Variants in SPON2 observed in about 807,000 individuals in gnomAD.
SPON2 encodes spondin 2.
Under a neutral mutation model 29.9 loss-of-function variants are expected in SPON2, and 32 were observed. The observed-to-expected ratio is 1.07, with a 90% CI of 0.81 to 1.44. The LOEUF is 1.44. Ranked by LOEUF, SPON2 falls within the 40% of genes most tolerant of loss-of-function variation. The pLI is 0.00. For missense variants in SPON2, 541 were observed against 455.5 expected (o/e 1.19, Z -1.71); for synonymous variants, 248 against 209.1 (o/e 1.19, Z -1.61).
intron 1 of SPON2, among the ~76,000 whole-genome samples, chr4:1,185,411 T>C (rs1727772647): frequency 2.6e-5 from 4 of 151,552 alleles, no homozygotes; most frequent in African/African-American, 9.7e-5. Context: ...TTGGAAAACC[T>C]GGACATCCAC....
chr4:1,171,219 GCCCCGGCCCCCCGGACCCCGC>G (rs774800255), intron 3 of SPON2, 23 bp downstream of exon 3: 1 of 1,448,916 alleles, frequency 6.9e-7, no homozygotes, highest in Non-Finnish European at 9.0e-7. Flanking sequence ...AGCGCGCCTG[GCCCCGGCCCCCCGGACCCCGC>G]CCCCGGCCGG....
chr4:1,204,264 C>T (rs762143223), intron 1 of SPON2, among the ~76,000 whole-genome samples: 1 of 152,186 alleles, frequency 6.6e-6, no homozygotes, highest in Non-Finnish European at 1.5e-5. Flanking sequence ...CACTACCTTA[C>T]CCTGGAGCCG....
At chr4:1,173,522 TC>T (rs550892347), upstream of SPON2, among the ~76,000 whole-genome samples, 9 of 152,318 alleles carry the variant, frequency 5.9e-5, no homozygotes, top group East Asian at 1.5e-3. Context: ...CTGAAGTTGA[TC>T]CTGCTCCATG....
At chr4:1,195,755 G>C (rs872895), upstream of SPON2, among the ~76,000 whole-genome samples, 6,622 of 137,118 alleles carry the variant, frequency 0.048, 244 homozygotes, top group East Asian at 0.21. Context: ...CCACACCTCA[G>C]CCTCCCAAGT....
At chr4:1,172,901 CCCCTCCCCTCCT>C (rs1727509768), upstream of SPON2, 1 of 93,020 alleles carries the variant, frequency 1.1e-5, no homozygotes, top group Non-Finnish European at 2.2e-5. Flanking sequence ...CTCCCCTCCT[CCCCTCCCCTCCT>C]CCCCTCCCCT....
At position 1,170,836 on chromosome 4, in the gene SPON2, G is replaced by C. The variant is rs1202446909; in HGVS notation, c.636+163C>G. On this transcript the variant is annotated intron_variant, in intron 4 of 5. Coordinates refer to ENST00000290902, the MANE Select transcript of SPON2 (RefSeq NM_012445.4). ...CCCCGGGTTGGGAGAGTATGGGAGG[G>C]CTGCACCCCCTTGCTCACTGCTGGC... 10 of 1,089,500 alleles carry C rather than the reference G, an allele frequency of 9.2e-6. No individual in the cohort carries two copies. In the South Asian group the frequency reaches 1.1e-4, roughly 12 times the overall value. The allele number at this position is 1,089,500 out of a possible 1,614,324, so 67.5% of individuals were successfully genotyped here. A position where few individuals can be genotyped will look rare whatever the true frequency, so the allele number is the denominator to read the frequency against.
At chr4:1,190,212 C>T (rs1347867513) in intron 1 of SPON2, among the ~76,000 whole-genome samples, 1 of 151,134 alleles carries the variant, frequency 6.6e-6, no homozygotes, top group African/African-American at 2.4e-5. Flanking sequence ...AAGACACAAA[C>T]TACTGAAACT....
rs1234017118 is a variant in SPON2, at chr4:1,171,192, T to TGCGGCGACA, written c.445-11_445-3dup. The TGCGGCGACA allele has an allele frequency of 1.3e-6, 2 of 1,504,034 alleles. No homozygotes were observed. The highest frequency in any genetic ancestry group is 2.7e-5 in the East Asian group (1 of 36,774). 93.2% of individuals were successfully genotyped at this position (1,504,034 alleles called of 1,614,324 possible). On this transcript the variant is annotated splice_polypyrimidine_tract_variant and splice_region_variant and intron_variant, in intron 3 of 5. Transcript: ENST00000290902. ...CACGATGCGCACCACAAACGAGACC[T>TGCGGCGACA]GCGGCGACAGCGGCTCAGCGCGCCT...
At chr4:1,176,490 C>T (rs1050250575), upstream of SPON2, among the ~76,000 whole-genome samples, 30 of 152,174 alleles carry the variant, frequency 2.0e-4, no homozygotes, top group African/African-American at 7.0e-4. Context: ...TCACACAGTA[C>T]ATTCATGCAA....
At position 1,171,018 on chromosome 4, in the gene SPON2, G is replaced by C. The variant is rs1351525673; in HGVS notation, c.617C>G (p.Pro206Arg). 1 of 1,548,872 alleles carries C rather than the reference G, an allele frequency of 6.5e-7. No homozygotes were observed. Among genetic ancestry groups the C allele is most frequent in the Non-Finnish European group, 8.7e-7 (1 of 1,145,732 alleles). The change falls in exon 4 of 6, where the codon CCG (proline) becomes CGG (arginine). Residue 206 changes from proline to arginine, a missense_variant. By Grantham distance (103) the Pro-to-Arg change is moderately radical (BLOSUM62 -2). Transcript: ENST00000290902. The stretch of plus-strand genomic sequence containing the variant: ...ACTCACCTCGGTCACCGTGTCCTGC[G>C]GGATGGTGGCGAAGTTGGGGGAGGA... ...TFSSPNFATI[P>R]QDTVTEITSS...
exon 1 of SPON2, chr4:1,195,100 AGCCGGCGGCTCCAACCCCG>A (rs1728033572): frequency 5.6e-5 from 8 of 143,292 alleles, no homozygotes; most frequent in African/African-American, 2.1e-4. Flanking sequence ...CCAACCCCGC[AGCCGGCGGCTCCAACCCCG>A]CAGCCGGCGG....
intron 1 of SPON2, among the ~76,000 whole-genome samples, chr4:1,207,719 T>A (rs1195767682): frequency 6.6e-6 from 1 of 152,220 alleles, no homozygotes; most frequent in African/African-American, 2.4e-5. Flanking sequence ...CGCTTACAGA[T>A]GCACCTAACC....
At chr4:1,174,830 A>G (rs1309318515), upstream of SPON2, among the ~76,000 whole-genome samples, 1 of 152,148 alleles carries the variant, frequency 6.6e-6, no homozygotes, top group Non-Finnish European at 1.5e-5. Context: ...TCATCTGCTG[A>G]GATGTGCTGT....
chr4:1,194,884 A>ACCC (rs1728010299), intron 1 of SPON2: 4 of 142,112 alleles, frequency 2.8e-5, no homozygotes, highest in African/African-American at 8.0e-5. Context: ...GGCGGCTCCA[A>ACCC]CGCCACAGCC....
At position 1,167,450 on chromosome 4, in the gene SPON2, C is replaced by A; in HGVS notation, c.*22G>T. On this transcript the variant is annotated 3_prime_UTR_variant, in exon 6 of 6. Transcript: ENST00000290902. The stretch of plus-strand genomic sequence containing the variant: ...GACACCCCATGGCTCCGGGGGGCCC[C>A]AGGGGCTGCGGGGCTCTGGTCTTAG... 1 of 1,604,610 alleles carries A rather than the reference C, an allele frequency of 6.2e-7. No homozygotes were observed.
At chr4:1,199,505 T>C (rs1198122632), upstream of SPON2, 2 of 152,116 alleles carry the variant, frequency 1.3e-5, no homozygotes, top group African/African-American at 4.8e-5. The surrounding 1 kb of genome is among the most constrained non-coding windows in gnomAD (Gnocchi z 4.5). Context: ...ACCTGGAAAT[T>C]TTAAAAAAAG....
chr4:1,174,503 C>A (rs750240146), upstream of SPON2, among the ~76,000 whole-genome samples: 16,612 of 122,774 alleles, frequency 0.14, 1,481 homozygotes, highest in African/African-American at 0.26. Flanking sequence ...AAAAAAAAAA[C>A]AAAAAAACAA....
intron 1 of SPON2, among the ~76,000 whole-genome samples, chr4:1,206,684 C>A (rs570454145): frequency 2.0e-5 from 3 of 152,144 alleles, no homozygotes; most frequent in African/African-American, 4.8e-5. Context: ...GGAGGCAGGG[C>A]CTGAGGCTCA....
upstream of SPON2, among the ~76,000 whole-genome samples, chr4:1,176,841 T>TCATTCACA (rs1231896918): frequency 6.6e-6 from 1 of 151,622 alleles, no homozygotes; most frequent in African/African-American, 2.4e-5. Context: ...TTCACACAGT[T>TCATTCACA]CATTCACACA....
Sources: gnomAD v4.1 joint callset for allele counts (sites outside exome capture counted in the v4.1 genomes callset) on GRCh38, gnomAD v4.1.1 for gene constraint, Gnocchi (gnomAD v3.1) non-coding constraint, MANE v1.5 for transcripts, NCBI Gene and HGNC (gene_info 2026-07-23, HGNC 2026-07-21) for gene names.